Variants in SGCZ observed in about 807,000 individuals in gnomAD.
The protein encoded by SGCZ is zeta-sarcoglycan.
Under a neutral mutation model 41.3 loss-of-function variants are expected in SGCZ, and 40 were observed. That is an observed-to-expected ratio of 0.97 (90% CI 0.75 to 1.26). The LOEUF is 1.26. Ranked by LOEUF, SGCZ falls within the 50% of genes most tolerant of loss-of-function variation. The probability of loss-of-function intolerance (pLI) is 0.00; values close to 1 mark genes in which losing one functional copy is unlikely to be tolerated. For synonymous variants in SGCZ, 206 were observed against 137.5 expected, an observed-to-expected ratio of 1.50 and a Z score of -3.49; for missense variants, 552 against 369.8, an observed-to-expected ratio of 1.49 and a Z score of -4.04.
At chr8:14,211,577 G>C (rs1438629118) in intron 4 of SGCZ, among the ~76,000 whole-genome samples, 2 of 152,106 alleles carry the variant, frequency 1.3e-5, no homozygotes, top group African/African-American at 4.8e-5. Flanking sequence ...AAGCATTTTA[G>C]AGAGGCCTCA....
intron 1 of SGCZ, among the ~76,000 whole-genome samples, chr8:14,913,560 A>C (rs936054434): frequency 1.3e-5 from 2 of 152,090 alleles, no homozygotes; most frequent in African/African-American, 2.4e-5. Context: ...GACTATGTTA[A>C]GATGTCTCTG....
rs73665354 is a variant in SGCZ, at chr8:15,000,923, T to C, written c.39+236662A>G. The stretch of plus-strand genomic sequence containing the variant: ...AACCCACCCACATGTGTCTGTGTCC[T>C]TAATTCTTTCTTTGTGCAAGACAAC... On this transcript the variant is annotated intron_variant, in intron 1 of 7. Transcript: ENST00000382080. Among the ~76,000 whole-genome samples, 1,328 of 152,330 alleles carry C rather than the reference T, an allele frequency of 8.7e-3. 13 individuals carry two copies. The highest frequency in any genetic ancestry group is 0.029 in the African/African-American group (1,224 of 41,566).
intron 4 of SGCZ, among the ~76,000 whole-genome samples, chr8:14,206,941 T>A (rs919767092): frequency 6.6e-6 from 1 of 152,146 alleles, no homozygotes. Flanking sequence ...GCAAGCACAA[T>A]GTCTAGAATG....
chr8:15,022,516 G>A (rs1256488324), intron 1 of SGCZ, among the ~76,000 whole-genome samples: 1 of 151,960 alleles, frequency 6.6e-6, no homozygotes, highest in Non-Finnish European at 1.5e-5. Context: ...GCTAATTTTT[G>A]TATTTTTAGC....
chr8:14,140,303 T>C (rs959899335), intron 5 of SGCZ, among the ~76,000 whole-genome samples: 1 of 152,160 alleles, frequency 6.6e-6, no homozygotes, highest in African/African-American at 2.4e-5. Context: ...CAACATACTG[T>C]TGAAAGTTCT....
At chr8:14,516,682 T>C (rs1802631257) in intron 2 of SGCZ, among the ~76,000 whole-genome samples, 1 of 152,064 alleles carries the variant, frequency 6.6e-6, no homozygotes, top group African/African-American at 2.4e-5. Flanking sequence ...TCTAACTGTT[T>C]TTCATATGAA....
At chr8:14,379,478 C>A (rs1340959703) in intron 2 of SGCZ, among the ~76,000 whole-genome samples, 1 of 152,132 alleles carries the variant, frequency 6.6e-6, no homozygotes, top group Non-Finnish European at 1.5e-5. Flanking sequence ...CAGGTATAAT[C>A]TTGGGCAAAT....
At chr8:14,153,508 G>T (rs1037178547) in intron 5 of SGCZ, among the ~76,000 whole-genome samples, 23 of 152,066 alleles carry the variant, frequency 1.5e-4, no homozygotes, top group Non-Finnish European at 3.1e-4. Context: ...AGTGACCATA[G>T]GTTTCATACT....
intron 1 of SGCZ, among the ~76,000 whole-genome samples, chr8:15,077,960 A>T (rs1805601059): frequency 6.6e-6 from 1 of 151,810 alleles, no homozygotes; most frequent in Non-Finnish European, 1.5e-5. Flanking sequence ...TTTTGTGTGG[A>T]TAAGGAACCT....
At chr8:15,158,008 G>C (rs1799386405) in intron 1 of SGCZ, among the ~76,000 whole-genome samples, 1 of 152,094 alleles carries the variant, frequency 6.6e-6, no homozygotes, top group Non-Finnish European at 1.5e-5. Flanking sequence ...GCTGTTGCTA[G>C]ATTTCCATTC....
At chr8:14,360,532 G>A (rs897212283) in intron 2 of SGCZ, among the ~76,000 whole-genome samples, 11 of 151,958 alleles carry the variant, frequency 7.2e-5, no homozygotes, top group African/African-American at 2.4e-4. Flanking sequence ...TACCATGTTG[G>A]CCAGGCTGGT....
chr8:15,172,620 A>C (rs1233267576), intron 1 of SGCZ, among the ~76,000 whole-genome samples: 1 of 152,158 alleles, frequency 6.6e-6, no homozygotes, highest in Non-Finnish European at 1.5e-5. Context: ...TGTATTAACG[A>C]AATACCAAAG....
chr8:14,828,367 C>G (rs1056203087), intron 1 of SGCZ, among the ~76,000 whole-genome samples: 2 of 152,172 alleles, frequency 1.3e-5, no homozygotes, highest in East Asian at 3.8e-4. Flanking sequence ...AAAACAAAAG[C>G]TACAACACTG....
At chr8:14,272,098 G>C (rs1800085733) in intron 3 of SGCZ, among the ~76,000 whole-genome samples, 1 of 152,136 alleles carries the variant, frequency 6.6e-6, no homozygotes, top group African/African-American at 2.4e-5. Context: ...CTGCCTCCCA[G>C]GTTCAAGCGA....
intron 1 of SGCZ, among the ~76,000 whole-genome samples, chr8:15,079,909 G>A (rs1227519355): frequency 6.6e-6 from 1 of 151,998 alleles, no homozygotes; most frequent in East Asian, 1.9e-4. Flanking sequence ...GGAATCCCCA[G>A]TGTCCACTGT....
At chr8:14,973,540 A>T (rs1417151037) in intron 1 of SGCZ, among the ~76,000 whole-genome samples, 1 of 152,166 alleles carries the variant, frequency 6.6e-6, no homozygotes. Context: ...CACTACCGTA[A>T]TGAATATGCA....
At chr8:14,311,628 G>A (rs542082005) in intron 3 of SGCZ, among the ~76,000 whole-genome samples, 2 of 152,250 alleles carry the variant, frequency 1.3e-5, no homozygotes, top group East Asian at 1.9e-4. Context: ...GTAAAAACTT[G>A]TGAAACAAGA....
chr8:14,852,234 G>C (rs979359437), intron 1 of SGCZ, among the ~76,000 whole-genome samples: 23 of 152,150 alleles, frequency 1.5e-4, no homozygotes, highest in Non-Finnish European at 2.9e-5. Context: ...TAAATATTTG[G>C]AGCATGTACT....
intron 1 of SGCZ, among the ~76,000 whole-genome samples, chr8:15,057,080 C>A (rs1159420283): frequency 6.6e-6 from 1 of 152,210 alleles, no homozygotes; most frequent in Non-Finnish European, 1.5e-5. Flanking sequence ...GGTGCACATG[C>A]TCTGGCATCG....
Sources: gnomAD v4.1 joint callset for allele counts (sites outside exome capture counted in the v4.1 genomes callset) on GRCh38, gnomAD v4.1.1 for gene constraint, MANE v1.5 for transcripts, NCBI Gene and HGNC (gene_info 2026-07-23, HGNC 2026-07-21) for gene names.